The following MARK3 variants were observed in gnomAD, a reference collection of about 807,000 sequenced individuals.
MARK3 encodes microtubule affinity regulating kinase 3, also known as MAP/microtubule affinity-regulating kinase 3.
A neutral mutation model predicts 90.1 loss-of-function variants in MARK3; 46 were observed. That is an observed-to-expected ratio of 0.51 (90% CI 0.40 to 0.65). The LOEUF is 0.65. Ranked by LOEUF, MARK3 falls within the 30% of genes least tolerant of loss-of-function variation. The pLI is 0.00. For synonymous variants in MARK3, 321 were observed against 332.6 expected, an observed-to-expected ratio of 0.97 and a Z score of 0.38; for missense variants, 818 against 947.2, an observed-to-expected ratio of 0.86 and a Z score of 1.79.
intron 3 of MARK3, among the ~76,000 whole-genome samples, chr14:103,439,667 C>T (rs2092803353): frequency 6.6e-6 from 1 of 152,006 alleles, no homozygotes; most frequent in South Asian, 2.1e-4. Flanking sequence ...CCTCAGCCTC[C>T]CAAAGTGCTG....
chr14:103,404,547 C>T (rs573142422), intron 1 of MARK3, among the ~76,000 whole-genome samples: 14 of 152,270 alleles, frequency 9.2e-5, no homozygotes, highest in South Asian at 2.1e-4. Flanking sequence ...CAACAAGGGT[C>T]GTCTATTAAG....
chr14:103,409,501 G>A (rs573956242), intron 2 of MARK3, among the ~76,000 whole-genome samples: 138 of 148,658 alleles, frequency 9.3e-4, no homozygotes, highest in African/African-American at 3.2e-3. Context: ...TACTCTTGTG[G>A]GGTTTTTTTT....
At chr14:103,461,430 C>T (rs2093398349) in intron 6 of MARK3, among the ~76,000 whole-genome samples, 1 of 152,168 alleles carries the variant, frequency 6.6e-6, no homozygotes, top group Non-Finnish European at 1.5e-5. Context: ...ATAGGCATGA[C>T]TGCAAGTTGA....
At chr14:103,402,514 T>C (rs4900572) in intron 1 of MARK3, among the ~76,000 whole-genome samples, 96,574 of 151,340 alleles carry the variant, frequency 0.64, 31,265 homozygotes, top group East Asian at 0.86. Context: ...ATTGCGCCAC[T>C]GCACTCCAGC....
intron 1 of MARK3, among the ~76,000 whole-genome samples, chr14:103,394,031 G>A (rs992844802): frequency 1.3e-5 from 2 of 152,118 alleles, no homozygotes; most frequent in African/African-American, 2.4e-5. Flanking sequence ...ACTGCGCTCG[G>A]CCTGCATTTT....
At chr14:103,472,480 A>G (rs2093643678) in intron 12 of MARK3, among the ~76,000 whole-genome samples, 2 of 151,442 alleles carry the variant, frequency 1.3e-5, no homozygotes, top group Admixed American at 6.6e-5. Flanking sequence ...TGTGTCTACT[A>G]AAAATACAAA....
At chr14:103,452,399 C>G (rs2093167752) in intron 5 of MARK3, among the ~76,000 whole-genome samples, 1 of 151,712 alleles carries the variant, frequency 6.6e-6, no homozygotes, top group Non-Finnish European at 1.5e-5. Context: ...CCTTGGCAAC[C>G]ATTCTCCTTT....
chr14:103,399,492 G>A (rs946368425), intron 1 of MARK3, among the ~76,000 whole-genome samples: 8 of 151,944 alleles, frequency 5.3e-5, no homozygotes, highest in East Asian at 3.9e-4. Flanking sequence ...GGTGGATCAC[G>A]AGGTCAGGAG....
At position 103,423,200 on chromosome 14, in the gene MARK3, C is replaced by CTTTTTTTT. The variant is rs10529756; in HGVS notation, c.244-5180_244-5173dup. 7.4e-5 allele frequency among the ~76,000 whole-genome samples: 7 copies of CTTTTTTTT among 94,720 alleles called. 2 individuals are homozygous for CTTTTTTTT. The highest frequency in any genetic ancestry group is 9.4e-4 in the South Asian group (2 of 2,122). The allele number at this position is 94,720 out of a possible 152,430, so 62.1% of individuals were successfully genotyped here. On this transcript the variant is annotated intron_variant, in intron 2 of 17. Transcript: ENST00000429436. ...TCTATCCCCCTAGAGGACTTGCAGT[C>CTTTTTTTT]TTTTTTTTTTTTTTGCCTCCTCTTT...
At chr14:103,496,486 C>A (rs920456816) in intron 15 of MARK3, among the ~76,000 whole-genome samples, 1 of 151,594 alleles carries the variant, frequency 6.6e-6, no homozygotes, top group Non-Finnish European at 1.5e-5. Context: ...GATCTTGGTT[C>A]ACTGCAGTGT....
intron 15 of MARK3, among the ~76,000 whole-genome samples, chr14:103,492,396 A>G (rs1406398109): frequency 6.6e-6 from 1 of 152,142 alleles, no homozygotes; most frequent in Non-Finnish European, 1.5e-5. Context: ...TCAGCAGGAA[A>G]GACCATGCAT....
intron 2 of MARK3, among the ~76,000 whole-genome samples, chr14:103,422,813 C>T (rs543804575): frequency 2.0e-5 from 3 of 152,270 alleles, no homozygotes; most frequent in Admixed American, 1.3e-4. Flanking sequence ...TCATTTGTAA[C>T]CAACTGTTGT....
At chr14:103,453,552 T>C (rs2093204966) in intron 5 of MARK3, among the ~76,000 whole-genome samples, 2 of 152,240 alleles carry the variant, frequency 1.3e-5, no homozygotes, top group South Asian at 2.1e-4. Flanking sequence ...ACACCACTTT[T>C]TTATACTCCT....
intron 7 of MARK3, among the ~76,000 whole-genome samples, chr14:103,464,940 C>G (rs145858359): frequency 2.0e-5 from 3 of 151,756 alleles, no homozygotes; most frequent in Non-Finnish European, 2.9e-5. Context: ...CTCAAGTGAG[C>G]CACTGTACCT....
At chr14:103,441,952 G>A (rs1194899356) in intron 3 of MARK3, among the ~76,000 whole-genome samples, 4 of 151,982 alleles carry the variant, frequency 2.6e-5, no homozygotes, top group African/African-American at 9.7e-5. Context: ...AAATACATAG[G>A]TGAAAATCTG....
intron 15 of MARK3, among the ~76,000 whole-genome samples, chr14:103,493,263 T>TTC (rs1394445979): frequency 1.4e-5 from 2 of 144,888 alleles, no homozygotes; most frequent in Non-Finnish European, 3.0e-5. Context: ...TTTTAATTTT[T>TTC]TTTTTTTTTT....
intron 2 of MARK3, among the ~76,000 whole-genome samples, chr14:103,423,114 C>T (rs1360724719): frequency 3.4e-5 from 5 of 148,458 alleles, no homozygotes; most frequent in Non-Finnish European, 1.5e-5. Context: ...TTAAGTCCCC[C>T]AGTGTGTGGT....
intron 2 of MARK3, among the ~76,000 whole-genome samples, chr14:103,424,255 G>A (rs969058199): frequency 3.9e-5 from 6 of 151,932 alleles, no homozygotes; most frequent in Non-Finnish European, 5.9e-5. Context: ...AATAGTGACC[G>A]GATGCCGTGG....
intron 2 of MARK3, among the ~76,000 whole-genome samples, chr14:103,421,100 A>G (rs900752153): frequency 4.6e-5 from 7 of 152,126 alleles, no homozygotes; most frequent in Non-Finnish European, 8.8e-5. Flanking sequence ...TGCACTGCAC[A>G]TGGCTATGGT....
Sources: gnomAD v4.1 joint callset for allele counts (sites outside exome capture counted in the v4.1 genomes callset) on GRCh38, gnomAD v4.1.1 for gene constraint, MANE v1.5 for transcripts, NCBI Gene and HGNC (gene_info 2026-07-23, HGNC 2026-07-21) for gene names.